The following SLC44A5 variants were observed in gnomAD, a reference collection of about 807,000 sequenced individuals.
SLC44A5 encodes solute carrier family 44 member 5.
SLC44A5 carries 57 observed loss-of-function variants against 101.8 expected under a neutral mutation model. The observed-to-expected ratio is 0.56, with a 90% CI of 0.45 to 0.70. The LOEUF (loss-of-function observed/expected upper bound fraction) is 0.70, where lower values mean the gene tolerates loss of function less well. Among genes scored for constraint, SLC44A5 ranks in the 30% least tolerant of loss-of-function variants. The pLI is 0.00. For missense variants in SLC44A5, 737 were observed against 853.1 expected (o/e 0.86, Z 1.70); for synonymous variants, 281 against 290.9 (o/e 0.97, Z 0.35).
At chr1:75,404,514 A>G (rs1315860498) in intron 2 of SLC44A5, among the ~76,000 whole-genome samples, 3 of 152,226 alleles carry the variant, frequency 2.0e-5, no homozygotes, top group Non-Finnish European at 4.4e-5. Flanking sequence ...CAGAAACCCT[A>G]CAGCCAGAAG....
At chr1:75,237,893 C>A (rs1295611851) in intron 10 of SLC44A5, among the ~76,000 whole-genome samples, 1 of 150,468 alleles carries the variant, frequency 6.6e-6, no homozygotes, top group Non-Finnish European at 1.5e-5. Context: ...TATAATTCAA[C>A]AACTGAGCAA....
intron 5 of SLC44A5, among the ~76,000 whole-genome samples, chr1:75,293,071 G>A (rs113514335): frequency 6.6e-6 from 1 of 152,262 alleles, no homozygotes; most frequent in African/African-American, 2.4e-5. Context: ...CTTCATGTGT[G>A]CATAAAACAG....
chr1:75,689,258 A>T, the SLC44A5 span, among the ~76,000 whole-genome samples: 29 of 152,178 alleles, frequency 1.9e-4, no homozygotes, highest in Admixed American at 3.9e-4. Context: ...GAGGACTCAG[A>T]TAAGAATCCC....
chr1:75,331,310 TA>T (rs1362832529), intron 4 of SLC44A5, among the ~76,000 whole-genome samples: 1 of 152,128 alleles, frequency 6.6e-6, no homozygotes, highest in African/African-American at 2.4e-5. Flanking sequence ...TTAACCTCTC[TA>T]ATCTTTTCAT....
rs113628929 is a variant in SLC44A5 at position 75,602,211 on chromosome 1, C to T, written c.-70+8829G>A. On this transcript the variant is annotated intron_variant, in intron 1 of 23. Coordinates refer to ENST00000370859, the MANE Select transcript of SLC44A5 (RefSeq NM_001130058.2). ...ATTTATAATCTATTATTTGCCTACGCTTCATTATACCTAAGGTATTTATTC... is the reference window on the plus strand; with the variant it reads ...ATTTATAATCTATTATTTGCCTACGTTTCATTATACCTAAGGTATTTATTC... Among the ~76,000 whole-genome samples the T allele has an allele frequency of 1.1e-3, 164 of 152,222 alleles. 1 individual carries two copies. The highest frequency in any genetic ancestry group is 3.8e-3 in the African/African-American group (156 of 41,534).
At chr1:75,621,143 C>G in the SLC44A5 span, among the ~76,000 whole-genome samples, 1 of 152,060 alleles carries the variant, frequency 6.6e-6, no homozygotes, top group Non-Finnish European at 1.5e-5. Flanking sequence ...CTTCTGGGCA[C>G]AGAGACACAC....
chr1:75,334,848 A>G (rs1657318150), intron 4 of SLC44A5, among the ~76,000 whole-genome samples: 1 of 152,206 alleles, frequency 6.6e-6, no homozygotes, highest in Non-Finnish European at 1.5e-5. Context: ...CTTCTGAAAA[A>G]TATCCTCTGA....
chr1:75,451,036 A>G (rs1301769754), intron 2 of SLC44A5, among the ~76,000 whole-genome samples: 1 of 152,156 alleles, frequency 6.6e-6, no homozygotes, highest in African/African-American at 2.4e-5. Context: ...ACCCCAGGCA[A>G]GGAAGTTGGA....
rs551258395 is a variant in SLC44A5 at position 75,394,367 on chromosome 1, G to A, written c.52+2216C>T. Among the ~76,000 whole-genome samples the A allele has an allele frequency of 2.6e-5, 4 of 152,290 alleles. No homozygotes were observed. The East Asian group carries it at 7.7e-4, about 29-fold the overall frequency. ...GGGTTAATGAGAGAATAGGAGAAAA[G>A]TGGAGTCAATGCCTATAAACAATTC... On this transcript the variant is annotated intron_variant, in intron 3 of 23. Transcript: ENST00000370859.
chr1:75,557,126 T>A (rs1672262447), intron 1 of SLC44A5, among the ~76,000 whole-genome samples: 1 of 152,092 alleles, frequency 6.6e-6, no homozygotes, highest in Non-Finnish European at 1.5e-5. Context: ...AATTAGTAAT[T>A]TCTGCCATTG....
In SLC44A5 at chr1:75,506,750, T is replaced by C. The variant is rs142074988; in HGVS notation, c.13+34685A>G. ...TTTTGGTGGAGTCTTTTGGGTTTTC[T>C]AGGTATATAATCATATTGTCAGTAA... On this transcript the variant is annotated intron_variant, in intron 2 of 23. Transcript: ENST00000370859. Among the ~76,000 whole-genome samples the C allele has an allele frequency of 8.5e-3, 1,299 of 152,088 alleles. 18 individuals carry two copies. The highest frequency in any genetic ancestry group is 0.03 in the African/African-American group (1,241 of 41,474).
At chr1:75,347,685 AGT>A (rs10677527) in intron 3 of SLC44A5, among the ~76,000 whole-genome samples, 35 of 148,010 alleles carry the variant, frequency 2.4e-4, no homozygotes, top group South Asian at 4.3e-4. Flanking sequence ...AGTGGTGGTG[AGT>A]GTGTGTGTGT....
intron 4 of SLC44A5, among the ~76,000 whole-genome samples, chr1:75,330,047 C>T (rs1395044309): frequency 1.3e-5 from 2 of 150,976 alleles, no homozygotes; most frequent in Non-Finnish European, 2.9e-5. Flanking sequence ...TTTTTATGTT[C>T]CCTTAAGTCT....
At chr1:75,386,059 C>A (rs1462857777) in intron 3 of SLC44A5, among the ~76,000 whole-genome samples, 1 of 152,034 alleles carries the variant, frequency 6.6e-6, no homozygotes, top group South Asian at 2.1e-4. Flanking sequence ...GGACGTATTT[C>A]AAAATAATAA....
chr1:75,536,451 A>G (rs2101935137), intron 2 of SLC44A5, among the ~76,000 whole-genome samples: 1 of 149,922 alleles, frequency 6.7e-6, no homozygotes, highest in South Asian at 2.1e-4. Context: ...TACAAAAAAA[A>G]TTGGCTGGGC....
intron 4 of SLC44A5, among the ~76,000 whole-genome samples, chr1:75,313,280 G>C (rs1386304801): frequency 6.6e-6 from 1 of 152,054 alleles, no homozygotes; most frequent in Non-Finnish European, 1.5e-5. Flanking sequence ...TCTCTCTAAC[G>C]GTTTTTAACA....
chr1:75,386,606 G>A (rs1661368006), intron 3 of SLC44A5, among the ~76,000 whole-genome samples: 2 of 152,256 alleles, frequency 1.3e-5, no homozygotes, highest in South Asian at 4.1e-4. Flanking sequence ...GGTAGGAAAA[G>A]TCAATATCGT....
At chr1:75,627,504 C>A in the SLC44A5 span, among the ~76,000 whole-genome samples, 8 of 152,098 alleles carry the variant, frequency 5.3e-5, no homozygotes, top group East Asian at 5.8e-4. Flanking sequence ...CATAGCGAGA[C>A]CTTGTCTGTA....
At chr1:75,398,474 C>A in intron 2 of SLC44A5, 1 of 824,820 alleles carries the variant, frequency 1.2e-6, no homozygotes, top group Non-Finnish European at 1.5e-6. Context: ...AGGTGTTTCA[C>A]AGATGAAGTT....
Sources: gnomAD v4.1 joint callset for allele counts (sites outside exome capture counted in the v4.1 genomes callset) on GRCh38, gnomAD v4.1.1 for gene constraint, MANE v1.5 for transcripts, NCBI Gene and HGNC (gene_info 2026-07-23, HGNC 2026-07-21) for gene names.